PI16: variants seen among roughly 807,000 people sequenced by gnomAD.
PI16 encodes the protein PSP94-binding protein.
A neutral mutation model predicts 38.0 loss-of-function variants in PI16; 35 were observed. That is an observed-to-expected ratio of 0.92 (90% CI 0.70 to 1.22). PI16 has a LOEUF of 1.22. Among genes scored for constraint, PI16 ranks in the 50% most tolerant of loss-of-function variants. The pLI is 0.00. For synonymous variants in PI16, 275 were observed against 252.9 expected, an observed-to-expected ratio of 1.09 and a Z score of -0.83; for missense variants, 572 against 593.8, an observed-to-expected ratio of 0.96 and a Z score of 0.38.
At chr6:36,954,070 G>A (rs1417334012), upstream of PI16, among the ~76,000 whole-genome samples, 3 of 152,312 alleles carry the variant, frequency 2.0e-5, no homozygotes, top group East Asian at 5.8e-4. Flanking sequence ...GCCTCCACAG[G>A]GGGCTGGTAG....
rs1230707570 is a variant in PI16, at chr6:36,963,833, C to G, written c.1281C>G (p.Gly427=). ...ALQSSLPGAE[G]PDKPSVVSGL... ...TCTTTCTTCCCACAGGTGCAGAGGGCCCTGACAAGCCTAGCGTCGTGTCAG... is the reference window on the plus strand; with the variant it reads ...TCTTTCTTCCCACAGGTGCAGAGGGGCCTGACAAGCCTAGCGTCGTGTCAG... The change falls in exon 6 of 7, where the codon GGC becomes GGG. Residue 427 remains glycine, a synonymous_variant. Coordinates refer to ENST00000373674, the MANE Select transcript of PI16 (RefSeq NM_153370.3). The G allele has an allele frequency of 1.9e-6, 3 of 1,598,172 alleles. No homozygotes were observed. In the East Asian group the frequency reaches 6.7e-5, roughly 36 times the overall value.
Position 36,959,210 on chromosome 6 carries a change from C to CA in PI16, c.239dup (p.Glu81GlyfsTer31). On this transcript the variant is annotated frameshift_variant, in exon 2 of 7. Coordinates refer to ENST00000373674, the MANE Select transcript of PI16 (RefSeq NM_153370.3). LOFTEE classifies it high-confidence loss of function. ...CACGGCAGTGCGTGTGGGGCCACAA[C>CA]AAGGAGCGCGGGCGCCGCGGCGAGA... 1 of 1,611,238 alleles carries CA rather than the reference C, an allele frequency of 6.2e-7. No individual in the cohort carries two copies. The highest frequency in any genetic ancestry group is 1.3e-5 in the African/African-American group (1 of 75,042).
At position 36,961,887 on chromosome 6, in the gene PI16, G is replaced by T; in HGVS notation, c.505G>T (p.Gly169Trp). 1 of 1,613,758 alleles carries T rather than the reference G, an allele frequency of 6.2e-7. No homozygotes were observed. Among genetic ancestry groups the T allele is most frequent in the South Asian group, 1.1e-5 (1 of 91,076 alleles). Residue 169 changes from glycine to tryptophan, a missense_variant and splice_region_variant, in exon 4 of 7, where the codon GGG becomes TGG. Coordinates refer to ENST00000373674, the MANE Select transcript of PI16 (RefSeq NM_153370.3). ...ELLVCNYEPPGNVKGKRPYQE... is the reference protein window; with the variant it reads ...ELLVCNYEPPWNVKGKRPYQE... The stretch of plus-strand genomic sequence containing the variant: ...CAGCATCCTCCTGACCTCCTGTAGG[G>T]GGAACGTGAAGGGGAAACGGCCCTA...
chr6:36,948,627 CTTCCTCCT>C (rs1583225493), intron 1 of PI16, among the ~76,000 whole-genome samples: 9 of 102,104 alleles, frequency 8.8e-5, no homozygotes, highest in Admixed American at 4.2e-4. Context: ...TTTTTCCTTC[CTTCCTCCT>C]TCCCTCCTTC....
chr6:36,957,095 G>A (rs1383868890), intron 1 of PI16, among the ~76,000 whole-genome samples: 1 of 152,206 alleles, frequency 6.6e-6, no homozygotes, highest in African/African-American at 2.4e-5. Flanking sequence ...CCAACACATG[G>A]GCCTGACCCT....
At chr6:36,954,548 AAGG>A, upstream of PI16, 1 of 610,282 alleles carries the variant, frequency 1.6e-6, no homozygotes, top group East Asian at 3.1e-5. Flanking sequence ...TACCAAGAGA[AAGG>A]AGGTTTTTGC....
Position 36,959,196 on chromosome 6 carries a change from G to A in PI16, c.223G>A (p.Val75Met), listed in dbSNP as rs1380743710. ...CGCCAAGGCCTACGCACGGCAGTGC[G>A]TGTGGGGCCACAACAAGGAGCGCGG... ...AFAKAYARQC[V>M]WGHNKERGRR... Residue 75 changes from valine to methionine, a missense_variant, in exon 2 of 7, where the codon GTG (valine) becomes ATG (methionine). By Grantham distance (21) the Val-to-Met change is conservative. Transcript: ENST00000373674. 2 of 1,611,414 alleles carry A rather than the reference G, an allele frequency of 1.2e-6. No individual in the cohort carries two copies. Among genetic ancestry groups the A allele is most frequent in the Non-Finnish European group, 1.7e-6 (2 of 1,179,388 alleles).
Position 36,963,399 on chromosome 6 carries a change from GC to G in PI16, c.1060del (p.Gln354ArgfsTer84). ...AGGGGCAAGGGAACTCCTACCCCATGCCCAGGAGGAGGCTGAGGCTGAGGCT... is the reference window on the plus strand; with the variant it reads ...AGGGGCAAGGGAACTCCTACCCCATGCCAGGAGGAGGCTGAGGCTGAGGCT... ...LTGARELLPH[A>X]QEEAEAEAEL... On this transcript the variant is annotated frameshift_variant, in exon 5 of 7. Coordinates refer to ENST00000373674, the MANE Select transcript of PI16 (RefSeq NM_153370.3). LOFTEE classifies it high-confidence loss of function. The G allele has an allele frequency of 6.2e-7, 1 of 1,614,164 alleles. No homozygotes were observed. The highest frequency in any genetic ancestry group is 8.5e-7 in the Non-Finnish European group (1 of 1,180,000).
intron 2 of PI16, 42 bp from the exon 3 acceptor site, chr6:36,961,409 C>T: frequency 1.2e-5 from 19 of 1,545,848 alleles, no homozygotes; most frequent in Non-Finnish European, 1.7e-5. Flanking sequence ...GGCACCATGC[C>T]ACCTCGCATG....
chr6:36,960,327 G>GTC (rs1053617923), intron 2 of PI16, among the ~76,000 whole-genome samples: 2 of 52,560 alleles, frequency 3.8e-5, no homozygotes, highest in East Asian at 7.3e-4. Context: ...CAGATAAGAT[G>GTC]TGTGTGTGTG....
At chr6:36,959,876 A>T (rs1387335750) in intron 2 of PI16, among the ~76,000 whole-genome samples, 9 of 151,296 alleles carry the variant, frequency 5.9e-5, no homozygotes, top group African/African-American at 2.2e-4. Flanking sequence ...TCAAAAAAAA[A>T]AAAAAAAAAT....
chr6:36,959,610 C>A (rs1317980185), intron 2 of PI16, among the ~76,000 whole-genome samples: 1 of 152,224 alleles, frequency 6.6e-6, no homozygotes, highest in Non-Finnish European at 1.5e-5. Context: ...CCGTAGCTCA[C>A]CCCTGTAATC....
chr6:36,961,498 T>C lies in PI16; in HGVS notation c.441T>C (p.Cys147=), dbSNP rs369365239. ...TERIGCGSHF[C]EKLQGVEETN... is the part of the protein sequence containing the mutation. ...GGATCGGCTGTGGTTCCCACTTCTG[T>C]GAGAAGCTCCAGGGTGTTGAGGAGA... The change falls in exon 3 of 7, where the codon TGT becomes TGC. Residue 147 remains cysteine (C), a synonymous_variant. Transcript: ENST00000373674. 1.2e-5 allele frequency: 19 copies of C among 1,613,962 alleles called. No homozygotes were observed. The highest frequency in any genetic ancestry group is 2.7e-5 in the African/African-American group (2 of 74,884).
At chr6:36,954,493 G>A (rs1763153144), upstream of PI16, 2 of 449,778 alleles carry the variant, frequency 4.4e-6, no homozygotes, top group Admixed American at 7.7e-5. Flanking sequence ...TGAAGGATCT[G>A]TCCACAACTT....
chr6:36,948,628 TTCCTCCTTCCCTCCTTCCTCCCTCCC>T (rs1391730267), intron 1 of PI16, among the ~76,000 whole-genome samples: 5 of 101,556 alleles, frequency 4.9e-5, no homozygotes, highest in Admixed American at 1.0e-4. Flanking sequence ...TTTTCCTTCC[TTCCTCCTTCCCTCCTTCCTCCCTCCC>T]TCCTTCCCTC....
chr6:36,962,564 C>A lies in PI16; in HGVS notation c.593-371C>A, dbSNP rs1041047572. 6.6e-6 allele frequency among the ~76,000 whole-genome samples: 1 copy of A among 152,080 alleles called. No homozygotes were observed. The highest frequency in any genetic ancestry group is 2.4e-5 in the African/African-American group (1 of 41,404). On this transcript the variant is annotated intron_variant, in intron 4 of 6. Transcript: ENST00000373674. This position sits in a 1 kb window ranked among gnomAD's most constrained non-coding sequence, Gnocchi z 4.1. ...CTCGGCTCACCTGCAACCTCCGCCT[C>A]CCGGTTTGAAGCAATTCTCCTGCCT...
rs757363610 is a variant in PI16 at position 36,963,076 on chromosome 6, TA to T, written c.736del (p.Thr246GlnfsTer23). The T allele has an allele frequency of 6.2e-7, 1 of 1,614,096 alleles. No homozygotes were observed. The highest frequency in any genetic ancestry group is 8.5e-7 in the Non-Finnish European group (1 of 1,180,036). On this transcript the variant is annotated frameshift_variant, in exon 5 of 7. Coordinates refer to ENST00000373674, the MANE Select transcript of PI16 (RefSeq NM_153370.3). LOFTEE classifies it high-confidence loss of function. ...SLATGIPAFL[V>X]TEVSGSLATK... ...GCAACGGGGATTCCGGCTTTCTTGG[TA>T]ACAGAGGTCTCAGGCTCCCTGGCAA...
chr6:36,963,221 A>T lies in PI16; in HGVS notation c.879A>T (p.Ala293=), dbSNP rs1447172067. 6.2e-7 allele frequency: 1 copy of T among 1,614,230 alleles called. No individual in the cohort carries two copies. The highest frequency in any genetic ancestry group is 2.2e-5 in the East Asian group (1 of 44,878). ...CAACTGAGGTCCCTTCCATTTTGGCAGCTCACAGCCTGCCCTCCTTGGATG... is the reference window on the plus strand; with the variant it reads ...CAACTGAGGTCCCTTCCATTTTGGCTGCTCACAGCCTGCCCTCCTTGGATG... ...CVTTEVPSIL[A]AHSLPSLDEE... is the part of the protein sequence containing the mutation. Residue 293 remains alanine (A), a synonymous_variant, in exon 5 of 7, where the codon GCA becomes GCT. Coordinates refer to ENST00000373674, the MANE Select transcript of PI16 (RefSeq NM_153370.3).
chr6:36,961,352 C>A, intron 2 of PI16, 99 bp from the exon 3 acceptor site: 1 of 991,536 alleles, frequency 1.0e-6, no homozygotes, highest in Non-Finnish European at 1.6e-6. Context: ...CTATAGGGTG[C>A]CTCTTCTCTC....
Sources: allele counts gnomAD v4.1 joint callset (sites outside exome capture counted in the v4.1 genomes callset), GRCh38; gene constraint gnomAD v4.1.1; non-coding constraint Gnocchi (gnomAD v3.1); transcripts MANE v1.5; gene names NCBI Gene and HGNC (gene_info 2026-07-23, HGNC 2026-07-21).